Variants in SMAD2 observed in about 807,000 individuals in gnomAD.
The protein encoded by SMAD2 is MAD homolog 2.
A neutral mutation model predicts 64.4 loss-of-function variants in SMAD2; 8 were observed. That is an observed-to-expected ratio of 0.12 (90% CI 0.07 to 0.22). The LOEUF is 0.22. SMAD2 is among the 10% of genes least tolerant of loss of function. The pLI is 1.00. For synonymous variants in SMAD2, 203 were observed against 195.8 expected (o/e 1.04, Z -0.31); for missense variants, 289 against 561.2 (o/e 0.51, Z 4.90).
At chr18:47,888,559 C>G (rs1197519556) in intron 2 of SMAD2, among the ~76,000 whole-genome samples, 1 of 152,166 alleles carries the variant, frequency 6.6e-6, no homozygotes, top group Non-Finnish European at 1.5e-5. Flanking sequence ...AGCTTTCAAT[C>G]AAAATCCCTG....
chr18:47,917,103 C>T (rs1874043631), intron 1 of SMAD2, among the ~76,000 whole-genome samples: 2 of 152,208 alleles, frequency 1.3e-5, no homozygotes, highest in South Asian at 4.1e-4. Flanking sequence ...TCACTGCAAC[C>T]TCTGCCTCCT....
At position 47,823,804 on chromosome 18, in the gene SMAD2, CTA is replaced by C. The variant is rs1231843659; in HGVS notation, c.*18021_*18022del. The C allele has an allele frequency of 6.6e-5, 10 of 152,306 alleles. No homozygotes were observed. Among genetic ancestry groups the C allele is most frequent in the Admixed American group, 2.0e-4 (3 of 15,300 alleles). The allele number at this position is 152,306 out of a possible 1,614,324, so 9.4% of individuals were successfully genotyped here. A position where few individuals can be genotyped will look rare whatever the true frequency, so the allele number is the denominator to read the frequency against. On this transcript the variant is annotated 3_prime_UTR_variant, in exon 11 of 11. Coordinates refer to ENST00000262160, the MANE Select transcript of SMAD2 (RefSeq NM_005901.6). ...TATGCAAACTGGGATTGTCACATTA[CTA>C]TTAATTTTGTGTATTTCCTTTTTAA...
intron 10 of SMAD2, among the ~76,000 whole-genome samples, chr18:47,842,529 ACT>A (rs373912299): frequency 3.4e-4 from 52 of 151,842 alleles, no homozygotes; most frequent in Admixed American, 9.8e-4. Context: ...ACAGAGTGAG[ACT>A]CTGTCTCGGG....
intron 2 of SMAD2, among the ~76,000 whole-genome samples, chr18:47,887,219 T>G (rs897685275): frequency 6.6e-6 from 1 of 152,192 alleles, no homozygotes; most frequent in African/African-American, 2.4e-5. Context: ...ATCCAGATAT[T>G]TGTATTAACA....
rs1221916394 is a variant in SMAD2, at chr18:47,826,628, C to A, written c.*15199G>T. 1 of 152,222 alleles carries A rather than the reference C, an allele frequency of 6.6e-6. No individual in the cohort carries two copies. The highest frequency in any genetic ancestry group is 6.5e-5 in the Admixed American group (1 of 15,284). 9.4% of individuals were successfully genotyped at this position (152,222 alleles called of 1,614,324 possible). The stretch of plus-strand genomic sequence containing the variant: ...CTACAACTGCTCCAGAGACATCTAG[C>A]CGAAATCACTTATCTAATTCATAAA... On this transcript the variant is annotated 3_prime_UTR_variant, in exon 11 of 11. Transcript: ENST00000262160.
In SMAD2 at chr18:47,838,743, T is replaced by C. The variant is rs1039849092; in HGVS notation, c.*3084A>G. On this transcript the variant is annotated 3_prime_UTR_variant, in exon 11 of 11. Transcript: ENST00000262160. ...ATGCAGTTCTTCAGTACAGAATAAA[T>C]ATGCCACTAAGTCAGTGAGAACTCC... is the stretch of plus-strand genomic sequence containing the variant. 5 of 232,300 alleles carry C rather than the reference T, an allele frequency of 2.2e-5. No homozygotes were observed. Among genetic ancestry groups the C allele is most frequent in the Non-Finnish European group, 4.3e-5 (5 of 117,546 alleles). The allele number at this position is 232,300 out of a possible 1,614,324, so 14.4% of individuals were successfully genotyped here. A position where few individuals can be genotyped will look rare whatever the true frequency, so the allele number is the denominator to read the frequency against.
chr18:47,824,562 T>A lies in SMAD2; in HGVS notation c.*17265A>T, dbSNP rs972236172. On this transcript the variant is annotated 3_prime_UTR_variant, in exon 11 of 11. Coordinates refer to ENST00000262160, the MANE Select transcript of SMAD2 (RefSeq NM_005901.6). ...ACAATGCCCTATTCCCAAATAAACA[T>A]CATTTTCTTTTAGAAAGCCTCTGTT... 7 of 152,234 alleles carry A rather than the reference T, an allele frequency of 4.6e-5. No homozygotes were observed. Among genetic ancestry groups the A allele is most frequent in the Admixed American group, 2.6e-4 (4 of 15,276 alleles). 9.4% of individuals were successfully genotyped at this position (152,234 alleles called of 1,614,324 possible). A position where few individuals can be genotyped will look rare whatever the true frequency, so the allele number is the denominator to read the frequency against.
Position 47,816,374 on chromosome 18 carries a change from T to C in SMAD2, c.*25453A>G, listed in dbSNP as rs1371503518. The C allele has an allele frequency of 1.3e-5, 2 of 152,222 alleles. No individual in the cohort carries two copies. The highest frequency in any genetic ancestry group is 4.8e-5 in the African/African-American group (2 of 41,452). The allele number at this position is 152,222 out of a possible 1,614,324, so 9.4% of individuals were successfully genotyped here. On this transcript the variant is annotated 3_prime_UTR_variant, in exon 11 of 11. Coordinates refer to ENST00000262160, the MANE Select transcript of SMAD2 (RefSeq NM_005901.6). ...CTAACATTTTTGGATAATACACTTATAAATTGGAAAATGAGAAAAGATAGT... is the reference window on the plus strand; with the variant it reads ...CTAACATTTTTGGATAATACACTTACAAATTGGAAAATGAGAAAAGATAGT...
intron 1 of SMAD2, among the ~76,000 whole-genome samples, chr18:47,903,915 C>A (rs2033798821): frequency 7.3e-6 from 1 of 136,770 alleles, no homozygotes. Context: ...AACCAAATGT[C>A]AGTTGGGTTT....
rs1434936651 is a variant in SMAD2 at position 47,821,651 on chromosome 18, G to A, written c.*20176C>T. On this transcript the variant is annotated 3_prime_UTR_variant, in exon 11 of 11. Coordinates refer to ENST00000262160, the MANE Select transcript of SMAD2 (RefSeq NM_005901.6). ...TTCAACTTTCAGTATATCCAAATAG[G>A]CTTCCCATAAGTAAAGGCAGTCACA... is the stretch of plus-strand genomic sequence containing the variant. 6.6e-6 allele frequency: 1 copy of A among 152,058 alleles called. No individual in the cohort carries two copies. Among genetic ancestry groups the A allele is most frequent in the Non-Finnish European group, 1.5e-5 (1 of 68,022 alleles). The allele number at this position is 152,058 out of a possible 1,614,324, so 9.4% of individuals were successfully genotyped here.
chr18:47,898,647 C>T (rs754523889), intron 1 of SMAD2, among the ~76,000 whole-genome samples: 1 of 142,800 alleles, frequency 7.0e-6, no homozygotes, highest in African/African-American at 2.6e-5. Flanking sequence ...TGGTTTGCAC[C>T]ACATGGAAGA....
chr18:47,864,680 A>G (rs568621882), intron 6 of SMAD2, among the ~76,000 whole-genome samples: 1 of 152,132 alleles, frequency 6.6e-6, no homozygotes, highest in East Asian at 1.9e-4. Flanking sequence ...CCCATCCTTC[A>G]CCCCCAAATT....
chr18:47,923,971 G>T (rs1015782588), intron 1 of SMAD2, among the ~76,000 whole-genome samples: 1 of 152,110 alleles, frequency 6.6e-6, no homozygotes, highest in African/African-American at 2.4e-5. Context: ...ATTTTAGGCC[G>T]GGCGCAGTGG....
chr18:47,848,410 C>T (rs1391651557), intron 8 of SMAD2, 65 bp downstream of exon 8: 2 of 1,224,640 alleles, frequency 1.6e-6, no homozygotes, highest in Admixed American at 3.4e-5. Context: ...ATGTGGCACA[C>T]CATGCAATGC....
At chr18:47,862,843 G>A (rs2031285294) in intron 6 of SMAD2, among the ~76,000 whole-genome samples, 1 of 151,998 alleles carries the variant, frequency 6.6e-6, no homozygotes, top group African/African-American at 2.4e-5. Context: ...GAACAAATAT[G>A]TTCATAAAAA....
chr18:47,883,321 G>T (rs1170086021), intron 2 of SMAD2, among the ~76,000 whole-genome samples: 5 of 152,040 alleles, frequency 3.3e-5, no homozygotes. Flanking sequence ...TGTCTTATTG[G>T]TATTAATTTC....
At chr18:47,929,875 C>T (rs985694641) in intron 1 of SMAD2, among the ~76,000 whole-genome samples, 5 of 152,146 alleles carry the variant, frequency 3.3e-5, no homozygotes, top group Non-Finnish European at 5.9e-5. Context: ...CGCAGAACAA[C>T]TTTCACAAGT....
At position 47,841,164 on chromosome 18, in the gene SMAD2, A is replaced by C. The variant is rs1598740166; in HGVS notation, c.*663T>G. The stretch of plus-strand genomic sequence containing the variant: ...AGCAGTTAAAAAAAAAAACAAAAAA[A>C]AACAAAAAACCACAAAAAGAATGAC... On this transcript the variant is annotated 3_prime_UTR_variant, in exon 11 of 11. Transcript: ENST00000262160. 2 of 231,912 alleles carry C rather than the reference A, an allele frequency of 8.6e-6. No individual in the cohort carries two copies. The highest frequency in any genetic ancestry group is 1.7e-5 in the Non-Finnish European group (2 of 117,660). 14.4% of individuals were successfully genotyped at this position (231,912 alleles called of 1,614,324 possible). A position where few individuals can be genotyped will look rare whatever the true frequency, so the allele number is the denominator to read the frequency against.
intron 2 of SMAD2, among the ~76,000 whole-genome samples, chr18:47,891,088 T>C (rs1314234442): frequency 1.3e-5 from 2 of 152,178 alleles, no homozygotes; most frequent in Non-Finnish European, 2.9e-5. Context: ...GCGGGTCACC[T>C]GAGGTCAGGA....
Sources: gnomAD v4.1 joint callset for allele counts (sites outside exome capture counted in the v4.1 genomes callset) on GRCh38, gnomAD v4.1.1 for gene constraint, MANE v1.5 for transcripts, NCBI Gene and HGNC (gene_info 2026-07-23, HGNC 2026-07-21) for gene names.